The following ATP11C variants were observed in gnomAD, a reference collection of about 807,000 sequenced individuals.
The protein encoded by ATP11C is phospholipid-transporting ATPase IG.
Under a neutral mutation model 97.4 loss-of-function variants are expected in ATP11C, and 36 were observed. The observed-to-expected ratio is 0.37, with a 90% CI of 0.28 to 0.49. The LOEUF (loss-of-function observed/expected upper bound fraction) is 0.49, where lower values mean the gene tolerates loss of function less well. ATP11C is among the 20% of genes least tolerant of loss of function. ATP11C has a pLI of 0.98. For missense variants in ATP11C, 730 were observed against 824.6 expected, an observed-to-expected ratio of 0.89 and a Z score of 1.40; for synonymous variants, 275 against 290.9, an observed-to-expected ratio of 0.95 and a Z score of 0.56.
intron 1 of ATP11C, among the ~76,000 whole-genome samples, chrX:139,918,414 C>T (rs917136607): frequency 1.8e-5 from 2 of 111,520 alleles, no homozygotes; most frequent in South Asian, 7.5e-4. Flanking sequence ...AAGTTCCAGA[C>T]CAGCCTGGCC....
intron 1 of ATP11C, among the ~76,000 whole-genome samples, chrX:139,930,797 T>A (rs1296678459): frequency 8.9e-6 from 1 of 112,288 alleles, no homozygotes. Flanking sequence ...TAAAAAGGGA[T>A]GTGCAAGTAT....
At chrX:139,762,171 A>G in intron 21 of ATP11C, 65 bp from the exon 22 acceptor site, 4 of 872,206 alleles carry the variant, frequency 4.6e-6, no homozygotes, top group Non-Finnish European at 6.3e-6. Context: ...ATTTATCTTC[A>G]CAGTTTCAAC....
At chrX:139,765,228 GA>G (rs59983817) in intron 20 of ATP11C, among the ~76,000 whole-genome samples, 14,969 of 105,067 alleles carry the variant, frequency 0.14, 1,478 homozygotes, top group African/African-American at 0.33. Context: ...ATAGCTTCAT[GA>G]AAAAAAAAAA....
chrX:139,860,899 C>A (rs755250641), intron 1 of ATP11C, among the ~76,000 whole-genome samples: 1 of 112,287 alleles, frequency 8.9e-6, no homozygotes, highest in Non-Finnish European at 1.9e-5. Flanking sequence ...TGTGAATGAG[C>A]AGCTCTATTT....
intron 1 of ATP11C, among the ~76,000 whole-genome samples, chrX:139,839,121 C>A (rs1057227895): frequency 8.9e-6 from 1 of 112,009 alleles, no homozygotes; most frequent in African/African-American, 3.2e-5. Context: ...AGAAGCCAGA[C>A]ACAAAAGGTC....
At chrX:139,936,239 C>T (rs1341270760), upstream of ATP11C, among the ~76,000 whole-genome samples, 2 of 111,692 alleles carry the variant, frequency 1.8e-5, no homozygotes, top group Admixed American at 1.9e-4. Context: ...ATTAGAGCTA[C>T]TCTCACACAC....
chrX:139,843,059 G>T (rs1046527722), intron 1 of ATP11C, among the ~76,000 whole-genome samples: 1 of 112,097 alleles, frequency 8.9e-6, no homozygotes, highest in Non-Finnish European at 1.9e-5. Flanking sequence ...AAAGTAAACT[G>T]AAAGTTCAAC....
At chrX:139,820,546 C>T (rs1195498267) in intron 2 of ATP11C, among the ~76,000 whole-genome samples, 2 of 111,058 alleles carry the variant, frequency 1.8e-5, no homozygotes, top group Non-Finnish European at 3.8e-5. Flanking sequence ...TGAGTACCTC[C>T]AATTTCCATG....
intron 1 of ATP11C, among the ~76,000 whole-genome samples, chrX:139,875,067 T>G (rs1413902875): frequency 9.0e-6 from 1 of 111,634 alleles, no homozygotes; most frequent in Non-Finnish European, 1.9e-5. Flanking sequence ...AGTTACCCAT[T>G]CATTTGGTTC....
At chrX:139,850,100 G>C (rs1174441908) in intron 1 of ATP11C, among the ~76,000 whole-genome samples, 1 of 112,027 alleles carries the variant, frequency 8.9e-6, no homozygotes, top group Non-Finnish European at 1.9e-5. Flanking sequence ...AAGAAAGACA[G>C]AGAAGTGGTA....
Position 139,738,018 on chromosome X carries a change from A to G in ATP11C, c.3186T>C (p.Ser1062=). 8.3e-7 allele frequency: 1 copy of G among 1,206,355 alleles called. No homozygotes were observed. The highest frequency in any genetic ancestry group is 1.1e-6 in the Non-Finnish European group (1 of 892,272). The stretch of plus-strand genomic sequence containing the variant: ...TTATAGCCAACCATGTGGATACAGA[A>G]GACAGCATTTGGGCAAATACAAAAT... ...RMYFVFAQML[S]SVSTWLAIIL... is the part of the protein sequence containing the mutation. The change falls in exon 28 of 30, where the codon TCT becomes TCC. Residue 1062 remains serine (S), a synonymous_variant. Coordinates refer to ENST00000682941, the MANE Select transcript of ATP11C (RefSeq NM_001353812.2).
intron 8 of ATP11C, among the ~76,000 whole-genome samples, chrX:139,799,731 C>T (rs1323297582): frequency 1.0e-5 from 1 of 98,253 alleles, no homozygotes; most frequent in Non-Finnish European, 2.0e-5. Flanking sequence ...TGGCTCACTG[C>T]GACCTTCGCC....
At position 139,932,071 on chromosome X, in the gene ATP11C, G is replaced by A. The variant is rs1036160305; in HGVS notation, c.-29C>T. 7.0e-6 allele frequency: 8 copies of A among 1,137,734 alleles called. No homozygotes were observed. In the African/African-American group the frequency reaches 9.1e-5, roughly 13 times the overall value. The allele number at this position is 1,137,734 out of a possible 1,213,427, so 93.8% of individuals were successfully genotyped here. A position where few individuals can be genotyped will look rare whatever the true frequency, so the allele number is the denominator to read the frequency against. ...GTCGAAGGCTGCCGGGCGCTGAGCT[G>A]GGCTCTACCGGGCTGTCTGGGAAGG... On this transcript the variant is annotated 5_prime_UTR_variant, in exon 1 of 30. Transcript: ENST00000682941.
At chrX:139,803,096 T>G (rs1336250424) in intron 6 of ATP11C, among the ~76,000 whole-genome samples, 1 of 111,836 alleles carries the variant, frequency 8.9e-6, no homozygotes, top group Non-Finnish European at 1.9e-5. Flanking sequence ...ATGTCTGAAC[T>G]ATATTTAAAA....
At chrX:139,815,084 A>C in intron 4 of ATP11C, 99 bp from the exon 5 acceptor site, 1 of 446,588 alleles carries the variant, frequency 2.2e-6, no homozygotes, top group Non-Finnish European at 3.8e-6. Flanking sequence ...AAATATTTAT[A>C]ATTATAGCAT....
chrX:139,911,775 C>A lies in ATP11C; in HGVS notation c.27+20241G>T, dbSNP rs139607870. Among the ~76,000 whole-genome samples the A allele has an allele frequency of 7.4e-3, 820 of 111,102 alleles. 6 individuals carry two copies. The highest frequency in any genetic ancestry group is 0.024 in the African/African-American group (741 of 30,568). On this transcript the variant is annotated intron_variant, in intron 1 of 29. Transcript: ENST00000682941. ...GAAAATAAAAAATCCTGTGAACAAC[C>A]CAAAGGCCCATCGACAGGAGAATGG...
intron 1 of ATP11C, 84 bp from the exon 2 acceptor site, chrX:139,826,907 T>C: frequency 9.8e-7 from 1 of 1,017,962 alleles, no homozygotes; most frequent in Admixed American, 2.7e-5. Flanking sequence ...TGTCCAAGCA[T>C]GCTGGGCCAT....
intron 1 of ATP11C, among the ~76,000 whole-genome samples, chrX:139,925,195 T>C (rs1029118988): frequency 8.9e-6 from 1 of 112,400 alleles, no homozygotes; most frequent in Non-Finnish European, 1.9e-5. Flanking sequence ...CCACTTGGAA[T>C]GCTTGTTAAA....
At chrX:139,776,247 G>A (rs992850067) in intron 18 of ATP11C, among the ~76,000 whole-genome samples, 3 of 112,069 alleles carry the variant, frequency 2.7e-5, no homozygotes, top group African/African-American at 9.7e-5. Flanking sequence ...CTTTTTCGCA[G>A]TGGCTCTACC....
Sources: allele counts gnomAD v4.1 joint callset (sites outside exome capture counted in the v4.1 genomes callset), GRCh38; gene constraint gnomAD v4.1.1; transcripts MANE v1.5; gene names NCBI Gene and HGNC (gene_info 2026-07-23, HGNC 2026-07-21).